The following UST variants were observed in gnomAD, a reference collection of about 807,000 sequenced individuals.
The protein encoded by UST is uronyl 2-sulfotransferase, also known as chondroitin sulfate 2-O-sulfotransferase.
A neutral mutation model predicts 45.6 loss-of-function variants in UST; 21 were observed. The observed-to-expected ratio is 0.46, with a 90% CI of 0.33 to 0.66. The LOEUF (loss-of-function observed/expected upper bound fraction) is 0.66. Ranked by LOEUF, UST falls within the 30% of genes least tolerant of loss-of-function variation. UST has a pLI of 0.02. For synonymous variants in UST, 215 were observed against 200.6 expected, an observed-to-expected ratio of 1.07 and a Z score of -0.61; for missense variants, 463 against 512.4, an observed-to-expected ratio of 0.90 and a Z score of 0.93.
chr6:148,970,811 C>T (rs911110910), intron 5 of UST, among the ~76,000 whole-genome samples: 58 of 152,296 alleles, frequency 3.8e-4, no homozygotes, highest in African/African-American at 1.3e-3. Context: ...ATGCTTCACA[C>T]CTCTCCTTCT....
chr6:149,044,943 T>C (rs1317765356), intron 7 of UST, among the ~76,000 whole-genome samples: 3 of 152,248 alleles, frequency 2.0e-5, no homozygotes, highest in African/African-American at 7.2e-5. Flanking sequence ...GTGTTTTGTT[T>C]TGCTTTACAA....
chr6:149,056,117 C>CTTTTTTTTTTTTTTTTT lies in UST; in HGVS notation c.938-17706_938-17690dup, dbSNP rs34191810. Among the ~76,000 whole-genome samples, 6 of 81,088 alleles carry CTTTTTTTTTTTTTTTTT rather than the reference C, an allele frequency of 7.4e-5. 1 individual carries two copies. Among genetic ancestry groups the CTTTTTTTTTTTTTTTTT allele is most frequent in the African/African-American group, 2.6e-4 (5 of 19,500 alleles). The allele number at this position is 81,088 out of a possible 152,430, so 53.2% of individuals were successfully genotyped here. ...TGTTACTCTGCTTTTCTTTTCTTTT[C>CTTTTTTTTTTTTTTTTT]TTTTTTTTTTTTTTTTTTTTTTTTT... On this transcript the variant is annotated intron_variant, in intron 7 of 7. Coordinates refer to ENST00000367463, the MANE Select transcript of UST (RefSeq NM_005715.3).
At chr6:148,988,832 T>A (rs1431043365) in intron 5 of UST, among the ~76,000 whole-genome samples, 1 of 152,116 alleles carries the variant, frequency 6.6e-6, no homozygotes, top group Non-Finnish European at 1.5e-5. Context: ...TTCCCAAGGA[T>A]GCAGTTCCAT....
intron 2 of UST, among the ~76,000 whole-genome samples, chr6:148,931,618 G>A (rs139595507): frequency 7.7e-4 from 117 of 152,298 alleles, no homozygotes; most frequent in African/African-American, 2.7e-3. Context: ...AGGACTTTTG[G>A]ACGACTGAAT....
chr6:148,812,161 A>T (rs1019167992), intron 1 of UST, among the ~76,000 whole-genome samples: 2 of 152,214 alleles, frequency 1.3e-5, no homozygotes, highest in Admixed American at 6.5e-5. Flanking sequence ...ATCTTTAAGA[A>T]AATGCATACA....
At chr6:148,984,770 G>A (rs2449384) in intron 5 of UST, among the ~76,000 whole-genome samples, 108,759 of 152,076 alleles carry the variant, frequency 0.72, 39,584 homozygotes, top group Non-Finnish European at 0.79. Flanking sequence ...TGGCCTCCCA[G>A]AGTGCTGGGA....
At chr6:148,793,700 A>G (rs1408813999) in intron 1 of UST, among the ~76,000 whole-genome samples, 3 of 152,150 alleles carry the variant, frequency 2.0e-5, no homozygotes, top group African/African-American at 7.2e-5. Flanking sequence ...TGGGCCCATC[A>G]TTGTATATTT....
intron 7 of UST, among the ~76,000 whole-genome samples, chr6:149,046,642 C>A (rs1208837158): frequency 1.3e-5 from 2 of 152,212 alleles, no homozygotes; most frequent in Admixed American, 6.5e-5. Context: ...AGAATGGTGA[C>A]CTCACAAAGC....
chr6:149,034,255 T>G (rs1307784144), intron 7 of UST, among the ~76,000 whole-genome samples: 1 of 152,228 alleles, frequency 6.6e-6, no homozygotes, highest in Non-Finnish European at 1.5e-5. Flanking sequence ...TTGCCTAGAT[T>G]TATTTGTACC....
At chr6:148,908,192 C>G (rs1033528908) in intron 2 of UST, among the ~76,000 whole-genome samples, 1 of 151,970 alleles carries the variant, frequency 6.6e-6, no homozygotes, top group Non-Finnish European at 1.5e-5. Flanking sequence ...GCATTTGGCT[C>G]GAGTCAAATC....
At chr6:148,780,201 A>G (rs1175566358) in intron 1 of UST, among the ~76,000 whole-genome samples, 1 of 152,050 alleles carries the variant, frequency 6.6e-6, no homozygotes, top group African/African-American at 2.4e-5. Context: ...TTCACAGATA[A>G]TGCATTTTAA....
intron 7 of UST, among the ~76,000 whole-genome samples, chr6:149,064,307 T>TA (rs1255180762): frequency 6.6e-6 from 1 of 152,238 alleles, no homozygotes; most frequent in Non-Finnish European, 1.5e-5. Context: ...CTTCACCACT[T>TA]ACCAGCTGTG....
intron 5 of UST, among the ~76,000 whole-genome samples, chr6:148,975,830 C>T (rs567626133): frequency 3.9e-5 from 6 of 152,232 alleles, no homozygotes; most frequent in African/African-American, 9.6e-5. Context: ...ATCTGAGCCA[C>T]GGAGGCTGTG....
At chr6:148,987,894 A>T (rs1381947630) in intron 5 of UST, among the ~76,000 whole-genome samples, 1 of 152,066 alleles carries the variant, frequency 6.6e-6, no homozygotes, top group Admixed American at 6.5e-5. Flanking sequence ...ATGAGCATCT[A>T]CTTTATGCCA....
intron 1 of UST, among the ~76,000 whole-genome samples, chr6:148,837,025 A>T (rs1036717565): frequency 1.3e-5 from 2 of 152,236 alleles, no homozygotes; most frequent in East Asian, 1.9e-4. Context: ...AGAATTCTAG[A>T]TCATTCCGTG....
At chr6:149,001,072 CT>C (rs71554430) in intron 5 of UST, among the ~76,000 whole-genome samples, 1,522 of 136,324 alleles carry the variant, frequency 0.011, 10 homozygotes, top group African/African-American at 0.018. Context: ...GGAGATGATT[CT>C]TTTTTTTTTT....
chr6:148,977,248 AT>A (rs1468524683), intron 5 of UST, among the ~76,000 whole-genome samples: 2 of 151,836 alleles, frequency 1.3e-5, no homozygotes, highest in African/African-American at 4.8e-5. Flanking sequence ...ATATATTTAT[AT>A]ATATACACAC....
intron 7 of UST, among the ~76,000 whole-genome samples, chr6:149,057,580 A>G (rs144506320): frequency 6.6e-6 from 1 of 152,216 alleles, no homozygotes; most frequent in Non-Finnish European, 1.5e-5. Flanking sequence ...GCTTATGAAC[A>G]AGGATGTGCA....
intron 1 of UST, among the ~76,000 whole-genome samples, chr6:148,868,106 G>T (rs1291740485): frequency 6.6e-6 from 1 of 152,130 alleles, no homozygotes; most frequent in African/African-American, 2.4e-5. Flanking sequence ...TCCATGTCAG[G>T]CCACTCCTTA....
Sources: gnomAD v4.1 joint callset for allele counts (sites outside exome capture counted in the v4.1 genomes callset) on GRCh38, gnomAD v4.1.1 for gene constraint, MANE v1.5 for transcripts, NCBI Gene and HGNC (gene_info 2026-07-23, HGNC 2026-07-21) for gene names.